DENND2B: variants seen among roughly 807,000 people sequenced by gnomAD.
DENND2B encodes DENN domain containing 2B, also known as DENN domain-containing protein 2B.
In DENND2B, 32 loss-of-function variants were observed where a neutral mutation model predicts 116.0. That is an observed-to-expected ratio of 0.28 (90% confidence interval 0.21 to 0.37). DENND2B has a LOEUF of 0.37. Among genes scored for constraint, DENND2B ranks in the 10% least tolerant of loss-of-function variants. DENND2B has a pLI of 1.00. For synonymous variants in DENND2B, 588 were observed against 583.9 expected, an observed-to-expected ratio of 1.01 and a Z score of -0.10; for missense variants, 1,276 against 1,477.7, an observed-to-expected ratio of 0.86 and a Z score of 2.24.
chr11:8,723,549 T>G (rs949753458), intron 4 of DENND2B, among the ~76,000 whole-genome samples: 1 of 152,166 alleles, frequency 6.6e-6, no homozygotes, highest in Non-Finnish European at 1.5e-5. Context: ...AGGACTTTCT[T>G]CCACTCTGGG....
chr11:8,715,804 G>A lies in DENND2B; in HGVS notation c.1644C>T (p.Pro548=). 4 of 1,600,852 alleles carry A rather than the reference G, an allele frequency of 2.5e-6. No individual in the cohort carries two copies. The highest frequency in any genetic ancestry group is 1.3e-5 in the African/African-American group (1 of 74,794). ...TCCCACTGCGCAGGGACTGGCTGTT[G>A]GGTTTCAGGGAAAGCTGGCGTGGGG... ...NSPPTQLSLK[P]NSQSLRSGNW... is the part of the protein sequence containing the mutation. The change falls in exon 6 of 20, where the codon CCC becomes CCT. Residue 548 remains proline (P), a synonymous_variant. Coordinates refer to ENST00000313726, the MANE Select transcript of DENND2B (RefSeq NM_213618.2).
At chr11:8,819,776 G>A (rs1291491160) in intron 4 of DENND2B, among the ~76,000 whole-genome samples, 1 of 152,258 alleles carries the variant, frequency 6.6e-6, no homozygotes, top group Non-Finnish European at 1.5e-5. Context: ...GATTAGAGGA[G>A]ACTAAGGAGA....
intron 1 of DENND2B, chr11:8,871,202 C>G (rs1461762436): frequency 6.7e-6 from 1 of 149,656 alleles, no homozygotes; most frequent in East Asian, 2.0e-4. Context: ...GAGGGGAGCG[C>G]TCGGAGGCGC....
intron 2 of DENND2B, among the ~76,000 whole-genome samples, chr11:8,733,012 A>G (rs72858243): frequency 0.056 from 8,473 of 152,298 alleles, 363 homozygotes; most frequent in East Asian, 0.16. Context: ...GCTGCCCCCA[A>G]TCAACAGGAA....
rs2043838878 is a variant in DENND2B, at chr11:8,712,099, C to T, written c.2172+452G>A. 2 of 409,642 alleles carry T rather than the reference C, an allele frequency of 4.9e-6. No individual in the cohort carries two copies. The highest frequency in any genetic ancestry group is 1.0e-5 in the Non-Finnish European group (2 of 199,876). The allele number at this position is 409,642 out of a possible 1,614,324, so 25.4% of individuals were successfully genotyped here. On this transcript the variant is annotated intron_variant, in intron 9 of 19. Transcript: ENST00000313726. The surrounding 1 kb of genome is among the most constrained non-coding windows in gnomAD (Gnocchi z 4.4). The stretch of plus-strand genomic sequence containing the variant: ...TGAGAGGAAGAAGAGGGAGGCCAGG[C>T]TGGCTGGCGACAAGCAGGGAAGGCG...
chr11:8,894,900 T>C (rs2064080621), intron 1 of DENND2B, among the ~76,000 whole-genome samples: 1 of 152,178 alleles, frequency 6.6e-6, no homozygotes, highest in Admixed American at 6.6e-5. Flanking sequence ...CATTTCTGGG[T>C]ATATACCCAA....
At chr11:8,769,539 T>A (rs1016706778) in intron 1 of DENND2B, among the ~76,000 whole-genome samples, 2 of 152,040 alleles carry the variant, frequency 1.3e-5, no homozygotes, top group African/African-American at 4.8e-5. Flanking sequence ...GGATTACAGG[T>A]GTGAACCACT....
At chr11:8,818,436 T>C (rs1262361640) in intron 4 of DENND2B, among the ~76,000 whole-genome samples, 1 of 151,856 alleles carries the variant, frequency 6.6e-6, no homozygotes, top group East Asian at 1.9e-4. Context: ...TCAAGCTGCT[T>C]TTCTATGATC....
At chr11:8,866,228 G>A (rs1005365967) in intron 2 of DENND2B, among the ~76,000 whole-genome samples, 6 of 152,120 alleles carry the variant, frequency 3.9e-5, no homozygotes, top group African/African-American at 1.4e-4. Context: ...CAAAGTGCTG[G>A]GATTACAGGC....
intron 18 of DENND2B, 40 bp downstream of exon 18, chr11:8,696,387 G>C (rs770735756): frequency 1.9e-6 from 3 of 1,608,500 alleles, no homozygotes; most frequent in Non-Finnish European, 2.5e-6. Flanking sequence ...CCTGCTGTGG[G>C]TGAAAAAATT....
chr11:8,815,872 CAG>C (rs1303327803), intron 4 of DENND2B, among the ~76,000 whole-genome samples: 2 of 152,162 alleles, frequency 1.3e-5, no homozygotes, highest in South Asian at 2.1e-4. Context: ...AACAAACAAA[CAG>C]AAACAGCTAT....
intron 2 of DENND2B, among the ~76,000 whole-genome samples, chr11:8,867,927 G>T (rs992177200): frequency 6.6e-6 from 1 of 152,026 alleles, no homozygotes; most frequent in African/African-American, 2.4e-5. Context: ...AGAGGAAAAG[G>T]CACATCAACT....
Position 8,710,927 on chromosome 11 carries a change from G to A in DENND2B, c.2283-13C>T, listed in dbSNP as rs771889719. Reference sequence around the variant, plus strand: ...AGAAAAGGTCTCACTGGAACAAAGAGAGGTCTGGCATCAGGGAGGTGTGAG... The same window carrying A: ...AGAAAAGGTCTCACTGGAACAAAGAAAGGTCTGGCATCAGGGAGGTGTGAG... On this transcript the variant is annotated splice_polypyrimidine_tract_variant and intron_variant, in intron 10 of 19. Transcript: ENST00000313726. 2.0e-5 allele frequency: 33 copies of A among 1,613,898 alleles called. No homozygotes were observed. The highest frequency in any genetic ancestry group is 2.7e-5 in the Non-Finnish European group (32 of 1,179,960).
At chr11:8,878,698 A>C (rs1276474193) in intron 2 of DENND2B, among the ~76,000 whole-genome samples, 1 of 152,200 alleles carries the variant, frequency 6.6e-6, no homozygotes, top group African/African-American at 2.4e-5. Context: ...GATTTTTTAA[A>C]TGTGGTGTAT....
chr11:8,845,431 T>C (rs957554585), intron 3 of DENND2B: 2 of 152,228 alleles, frequency 1.3e-5, no homozygotes, highest in Non-Finnish European at 2.9e-5. Context: ...TAATCAAAAA[T>C]TATTTTTAAT....
At chr11:8,798,321 G>T (rs1262305532) in intron 1 of DENND2B, among the ~76,000 whole-genome samples, 1 of 152,214 alleles carries the variant, frequency 6.6e-6, no homozygotes, top group Non-Finnish European at 1.5e-5. Context: ...AAGAGAGGCA[G>T]AGTTAGATTC....
Position 8,771,407 on chromosome 11 carries a change from C to A in DENND2B, c.-25-20682G>T, listed in dbSNP as rs531663469. Among the ~76,000 whole-genome samples, 3 of 151,084 alleles carry A rather than the reference C, an allele frequency of 2.0e-5. No individual in the cohort carries two copies. In the East Asian group the frequency reaches 5.8e-4, roughly 29 times the overall value. On this transcript the variant is annotated intron_variant, in intron 1 of 19. Transcript: ENST00000313726. Reference sequence around the variant, plus strand: ...GGGGCTGTGAGTGTGTGTGTGTGTGCGTGTGTGCACATGTGTGTTACTGTG... The same window carrying A: ...GGGGCTGTGAGTGTGTGTGTGTGTGAGTGTGTGCACATGTGTGTTACTGTG...
chr11:8,900,860 T>C (rs2064158524), intron 1 of DENND2B, among the ~76,000 whole-genome samples: 1 of 151,992 alleles, frequency 6.6e-6, no homozygotes, highest in African/African-American at 2.4e-5. Flanking sequence ...CCCCAGCTAC[T>C]TGAGCAGCTG....
intron 3 of DENND2B, among the ~76,000 whole-genome samples, chr11:8,847,946 T>G (rs1373141706): frequency 6.6e-6 from 1 of 152,126 alleles, no homozygotes; most frequent in Non-Finnish European, 1.5e-5. Flanking sequence ...CTATAAAGTT[T>G]AATAGAAAAA....
Sources: gnomAD v4.1 joint callset for allele counts (sites outside exome capture counted in the v4.1 genomes callset) on GRCh38, gnomAD v4.1.1 for gene constraint, Gnocchi (gnomAD v3.1) non-coding constraint, MANE v1.5 for transcripts, NCBI Gene and HGNC (gene_info 2026-07-23, HGNC 2026-07-21) for gene names.